The following POLR3E variants were observed in gnomAD, a reference collection of about 807,000 sequenced individuals.
The protein encoded by POLR3E is RNA polymerase III subunit E.
POLR3E carries 41 observed loss-of-function variants against 96.6 expected under a neutral mutation model. The observed-to-expected ratio is 0.42, with a 90% confidence interval of 0.33 to 0.55. The LOEUF (loss-of-function observed/expected upper bound fraction) is 0.55, where lower values mean the gene tolerates loss of function less well. Ranked by LOEUF, POLR3E falls within the 20% of genes least tolerant of loss-of-function variation. POLR3E has a pLI of 0.06. For synonymous variants in POLR3E, 396 were observed against 383.6 expected, an observed-to-expected ratio of 1.03 and a Z score of -0.38; for missense variants, 849 against 952.1, an observed-to-expected ratio of 0.89 and a Z score of 1.43.
Position 22,313,258 on chromosome 16 carries a change from A to G in POLR3E, c.365-362A>G, listed in dbSNP as rs894748192. 1.3e-5 allele frequency among the ~76,000 whole-genome samples: 2 copies of G among 152,216 alleles called. No individual in the cohort carries two copies. Among genetic ancestry groups the G allele is most frequent in the African/African-American group, 4.8e-5 (2 of 41,468 alleles). ...CGGGACAGTAAGGCTGAGCTGGCCG[A>G]GGCCTGGAGGGTAAACAGCAGGGCG... On this transcript the variant is annotated intron_variant, in intron 6 of 20. Transcript: ENST00000299853. This position sits in a 1 kb window ranked among gnomAD's most constrained non-coding sequence, Gnocchi z 4.1.
chr16:22,305,399 C>G (rs760733640), intron 3 of POLR3E, 193 bp downstream of exon 3: 6 of 699,328 alleles, frequency 8.6e-6, no homozygotes, highest in Non-Finnish European at 1.3e-5. Flanking sequence ...TGAAGGAACA[C>G]AGGAGAGGCA....
rs1474532783 is a variant in POLR3E, at chr16:22,326,572, A to T, written c.1866+294A>T. 7.3e-5 allele frequency: 37 copies of T among 509,656 alleles called. No homozygotes were observed. In the Middle Eastern group the frequency reaches 1.5e-3, roughly 21 times the overall value. The allele number at this position is 509,656 out of a possible 1,614,324, so 31.6% of individuals were successfully genotyped here. A position where few individuals can be genotyped will look rare whatever the true frequency, so the allele number is the denominator to read the frequency against. On this transcript the variant is annotated intron_variant, in intron 18 of 20. Transcript: ENST00000299853. ...AAACAGGGCCCCTGCCTGGTTTCTC[A>T]CCCTGTCCCCCACCAAGAACACCTG...
At chr16:22,304,569 A>G (rs1296162737) in intron 2 of POLR3E, among the ~76,000 whole-genome samples, 2 of 151,458 alleles carry the variant, frequency 1.3e-5, no homozygotes, top group Non-Finnish European at 2.9e-5. Context: ...AGGGCTCTGT[A>G]GGTATAGGGA....
At chr16:22,306,450 T>C (rs922613241) in intron 3 of POLR3E, among the ~76,000 whole-genome samples, 1 of 152,142 alleles carries the variant, frequency 6.6e-6, no homozygotes, top group Non-Finnish European at 1.5e-5. Flanking sequence ...AGATGGGGTT[T>C]CACTATGTTG....
chr16:22,301,583 A>G (rs2048022043), intron 1 of POLR3E, among the ~76,000 whole-genome samples: 1 of 151,898 alleles, frequency 6.6e-6, no homozygotes, highest in Non-Finnish European at 1.5e-5. Context: ...ATGTCTTAAA[A>G]ATAAATAAAT....
chr16:22,306,314 A>G (rs904992019), intron 3 of POLR3E, among the ~76,000 whole-genome samples: 1 of 152,150 alleles, frequency 6.6e-6, no homozygotes, highest in African/African-American at 2.4e-5. Context: ...GCTGGAGTGC[A>G]GTGGCTTGAT....
At position 22,316,621 on chromosome 16, in the gene POLR3E, G is replaced by A. The variant is rs1185992617; in HGVS notation, c.663G>A (p.Glu221=). ...AACAGGACAGTCGCTCTGAGCATGA[G>A]CGTCAGTACCTGCTGTGCCCCGGCT... The part of the protein sequence containing the change: ...YGLRDSRSEH[E]RQYLLCPGSS... Residue 221 remains glutamate (E), a synonymous_variant, in exon 10 of 21, where the codon GAG becomes GAA. Transcript: ENST00000299853. 1 of 1,614,014 alleles carries A rather than the reference G, an allele frequency of 6.2e-7. No individual in the cohort carries two copies. Among genetic ancestry groups the A allele is most frequent in the South Asian group, 1.1e-5 (1 of 91,088 alleles).
intron 19 of POLR3E, chr16:22,331,548 C>T (rs1451006564): frequency 6.5e-6 from 1 of 152,714 alleles, no homozygotes; most frequent in Non-Finnish European, 1.5e-5. Context: ...AGATATTAGA[C>T]ATACTGAATC....
intron 12 of POLR3E, 118 bp downstream of exon 12, chr16:22,317,324 T>A: frequency 1.4e-6 from 1 of 711,902 alleles, no homozygotes; most frequent in East Asian, 2.7e-5. Context: ...GCCCACAGCC[T>A]GCCCAGCTTT....
At chr16:22,330,433 T>A (rs1008126366) in intron 19 of POLR3E, among the ~76,000 whole-genome samples, 3 of 152,224 alleles carry the variant, frequency 2.0e-5, no homozygotes, top group African/African-American at 7.2e-5. Context: ...TGTCACAGAA[T>A]GAACTGAAAA....
intron 3 of POLR3E, among the ~76,000 whole-genome samples, chr16:22,306,281 C>CA (rs1176924610): frequency 3.9e-5 from 6 of 152,122 alleles, no homozygotes; most frequent in Non-Finnish European, 5.9e-5. Context: ...TGTTTTGAGA[C>CA]ACAGTCTTGC....
Position 22,317,036 on chromosome 16 carries a change from A to T in POLR3E, c.770A>T (p.Glu257Val). The change falls in exon 11 of 21, where the codon GAG becomes GTG. Residue 257 changes from glutamate (E) to valine (V), a missense_variant. By Grantham distance (121) the Glu-to-Val change is moderately radical (BLOSUM62 -2). Coordinates refer to ENST00000299853, the MANE Select transcript of POLR3E (RefSeq NM_018119.4). ...CTGATGCCACCCAGCCAGGAGGAGG[A>T]GAAGTGAGTAGAGGCGGCAGGACAC... Reference protein sequence around the residue: ...MMLMPPSQEEEKDKPVAPSNV... With the variant: ...MMLMPPSQEEVKDKPVAPSNV... 2 of 1,614,102 alleles carry T rather than the reference A, an allele frequency of 1.2e-6. No homozygotes were observed. The highest frequency in any genetic ancestry group is 1.7e-6 in the Non-Finnish European group (2 of 1,179,964).
Position 22,332,114 on chromosome 16 carries a change from A to T in POLR3E, c.1999A>T (p.Met667Leu), listed in dbSNP as rs1229653303. The change falls in exon 20 of 21, where the codon ATG becomes TTG. Residue 667 changes from methionine (M) to leucine (L), a missense_variant. Physicochemically the swap from Met to Leu is conservative, Grantham distance 15. Transcript: ENST00000299853. Reference sequence around the variant, plus strand: ...CAAAAATTACCGGGTACGCCGAAACATGATCCAGTCTCGGTTGACTCAAGA... The same window carrying T: ...CAAAAATTACCGGGTACGCCGAAACTTGATCCAGTCTCGGTTGACTCAAGA... ...FSKNYRVRRNMIQSRLTQECG... is the reference protein window; with the variant it reads ...FSKNYRVRRNLIQSRLTQECG... 9 of 1,613,600 alleles carry T rather than the reference A, an allele frequency of 5.6e-6. No individual in the cohort carries two copies. The highest frequency in any genetic ancestry group is 6.8e-6 in the Non-Finnish European group (8 of 1,179,592).
intron 18 of POLR3E, chr16:22,326,512 C>T (rs909900248): frequency 1.2e-5 from 7 of 584,740 alleles, no homozygotes; most frequent in Non-Finnish European, 2.2e-5. Context: ...GTCTGAAGGC[C>T]CGGCCTATTG....
At chr16:22,307,228 T>A (rs2048151902) in intron 3 of POLR3E, among the ~76,000 whole-genome samples, 1 of 152,100 alleles carries the variant, frequency 6.6e-6, no homozygotes, top group Non-Finnish European at 1.5e-5. Flanking sequence ...GGCCTGTGAT[T>A]TCAGAACCTG....
rs1250687196 is a variant in POLR3E, at chr16:22,297,437, A to G, written c.-139A>G. On this transcript the variant is annotated 5_prime_UTR_variant, in exon 1 of 21. Transcript: ENST00000299853. ...TGTCCGCCGGAGTTTCTCCACCAGC[A>G]ACATGGCCGCCGCCTGAGAGGAGAG... The G allele has an allele frequency of 6.6e-6, 1 of 152,482 alleles. No individual in the cohort carries two copies. The highest frequency in any genetic ancestry group is 2.4e-5 in the African/African-American group (1 of 41,466). 9.4% of individuals were successfully genotyped at this position (152,482 alleles called of 1,614,324 possible). A position where few individuals can be genotyped will look rare whatever the true frequency, so the allele number is the denominator to read the frequency against.
chr16:22,316,502 TG>T, intron 9 of POLR3E, 98 bp from the exon 10 acceptor site: 1 of 852,474 alleles, frequency 1.2e-6, no homozygotes, highest in Non-Finnish European at 1.9e-6. Context: ...TGTGGTCCTG[TG>T]GCTGGCCATG....
chr16:22,298,093 C>T (rs1475363317), intron 1 of POLR3E, among the ~76,000 whole-genome samples: 1 of 152,230 alleles, frequency 6.6e-6, no homozygotes, highest in South Asian at 2.1e-4. Context: ...TCAGTGTTTA[C>T]CGAGCCAACT....
In POLR3E at chr16:22,333,660, A is replaced by G. The variant is rs34634941; in HGVS notation, c.2087A>G (p.Tyr696Cys). The G allele has an allele frequency of 8.1e-6, 13 of 1,611,912 alleles. No homozygotes were observed. The highest frequency in any genetic ancestry group is 1.1e-5 in the South Asian group (1 of 91,038). ...DKVLKDCCVS[Y>C]GGMWYLKGTV... Reference sequence around the variant, plus strand: ...CTCTCATAGGACTGCTGTGTAAGCTATGGTGGCATGTGGTACCTTAAAGGG... The same window carrying G: ...CTCTCATAGGACTGCTGTGTAAGCTGTGGTGGCATGTGGTACCTTAAAGGG... Residue 696 changes from tyrosine to cysteine, a missense_variant, in exon 21 of 21, where the codon TAT becomes TGT. By Grantham distance (194) the Tyr-to-Cys change is radical (BLOSUM62 -2). Transcript: ENST00000299853.
Sources: gnomAD v4.1 joint callset for allele counts (sites outside exome capture counted in the v4.1 genomes callset) on GRCh38, gnomAD v4.1.1 for gene constraint, Gnocchi (gnomAD v3.1) non-coding constraint, MANE v1.5 for transcripts, NCBI Gene and HGNC (gene_info 2026-07-23, HGNC 2026-07-21) for gene names.